Variants in SPAG16 observed in about 807,000 individuals in gnomAD.
The protein encoded by SPAG16 is sperm-associated antigen 16 protein.
A neutral mutation model predicts 80.4 loss-of-function variants in SPAG16; 86 were observed. The observed-to-expected ratio is 1.07, with a 90% CI of 0.90 to 1.28. The LOEUF (loss-of-function observed/expected upper bound fraction) is 1.28, where lower values mean the gene tolerates loss of function less well. Ranked by LOEUF, SPAG16 falls within the 50% of genes most tolerant of loss-of-function variation. The pLI is 0.00. For missense variants in SPAG16, 870 were observed against 765.3 expected, an observed-to-expected ratio of 1.14 and a Z score of -1.61; for synonymous variants, 294 against 265.9, an observed-to-expected ratio of 1.11 and a Z score of -1.03.
intron 15 of SPAG16, among the ~76,000 whole-genome samples, chr2:214,397,044 TG>T (rs1701433370): frequency 1.3e-5 from 2 of 151,996 alleles, no homozygotes; most frequent in South Asian, 4.1e-4. Flanking sequence ...TGCAGCTTGC[TG>T]TAATTGTTGA....
At chr2:213,375,174 A>G in intron 9 of SPAG16, 55 bp downstream of exon 9, 1 of 1,212,486 alleles carries the variant, frequency 8.2e-7, no homozygotes, top group Non-Finnish European at 1.2e-6. Context: ...AGATCTTTAG[A>G]TCCATTCACT....
At chr2:213,942,700 C>G (rs144628926) in intron 12 of SPAG16, among the ~76,000 whole-genome samples, 2 of 152,146 alleles carry the variant, frequency 1.3e-5, no homozygotes, top group African/African-American at 4.8e-5. Flanking sequence ...AACAAGAACT[C>G]ATTTAAACCT....
intron 10 of SPAG16, among the ~76,000 whole-genome samples, chr2:213,829,913 T>C (rs1040433793): frequency 6.6e-6 from 1 of 152,030 alleles, no homozygotes; most frequent in Admixed American, 6.6e-5. Context: ...CCTTCTCCTC[T>C]CATGAAGTGG....
intron 13 of SPAG16, among the ~76,000 whole-genome samples, chr2:214,020,331 G>A (rs898071429): frequency 6.6e-6 from 1 of 151,884 alleles, no homozygotes; most frequent in Non-Finnish European, 1.5e-5. Flanking sequence ...CTACTGTGCT[G>A]GTATTTTATG....
chr2:214,226,661 C>A (rs892139162), intron 15 of SPAG16, among the ~76,000 whole-genome samples: 6 of 151,918 alleles, frequency 3.9e-5, no homozygotes, highest in African/African-American at 7.2e-5. Context: ...TCCAAATACT[C>A]CCCCCAAAGC....
At chr2:214,271,227 A>G (rs1396623746) in intron 15 of SPAG16, among the ~76,000 whole-genome samples, 1 of 152,222 alleles carries the variant, frequency 6.6e-6, no homozygotes, top group Non-Finnish European at 1.5e-5. Context: ...ATAGGAAATT[A>G]GGAAGTTTTC....
intron 15 of SPAG16, among the ~76,000 whole-genome samples, chr2:214,392,806 CAAT>C (rs1213808423): frequency 6.6e-6 from 1 of 151,682 alleles, no homozygotes; most frequent in East Asian, 1.9e-4. Flanking sequence ...TGCATATTTA[CAAT>C]AATATAGCTA....
chr2:213,408,097 A>C (rs532476062), intron 9 of SPAG16, among the ~76,000 whole-genome samples: 1 of 149,126 alleles, frequency 6.7e-6, no homozygotes, highest in South Asian at 2.1e-4. Flanking sequence ...AAATAGAAGT[A>C]GTAAAAAAAC....
intron 10 of SPAG16, among the ~76,000 whole-genome samples, chr2:213,665,892 G>A (rs2063582951): frequency 6.6e-6 from 1 of 151,970 alleles, no homozygotes; most frequent in Admixed American, 6.6e-5. Flanking sequence ...TTAAAATAGA[G>A]AAATCACCAG....
At chr2:214,205,270 A>G (rs1307928182) in intron 15 of SPAG16, among the ~76,000 whole-genome samples, 2 of 152,144 alleles carry the variant, frequency 1.3e-5, no homozygotes, top group Non-Finnish European at 2.9e-5. Context: ...GATACAACAT[A>G]TGAAGGGAAA....
chr2:214,251,260 T>A (rs1690270635), intron 15 of SPAG16, among the ~76,000 whole-genome samples: 1 of 135,286 alleles, frequency 7.4e-6, no homozygotes, highest in African/African-American at 2.8e-5. Flanking sequence ...AGGCTACAGA[T>A]TTACTTGTTG....
chr2:214,338,476 C>T (rs893370854), intron 15 of SPAG16, among the ~76,000 whole-genome samples: 1 of 152,090 alleles, frequency 6.6e-6, no homozygotes, highest in African/African-American at 2.4e-5. Context: ...TGCACTCCAG[C>T]CTGGGCAACA....
intron 10 of SPAG16, among the ~76,000 whole-genome samples, chr2:213,839,124 T>C (rs1398863712): frequency 1.3e-5 from 2 of 152,224 alleles, no homozygotes; most frequent in Admixed American, 1.3e-4. Flanking sequence ...TTTAAATGCA[T>C]GATTTCTGTA....
chr2:214,304,711 G>A (rs1020611918), intron 15 of SPAG16, among the ~76,000 whole-genome samples: 61 of 151,876 alleles, frequency 4.0e-4, no homozygotes, highest in Middle Eastern at 3.4e-3. Context: ...AGCTGGTCTC[G>A]GCATGTTATG....
At chr2:213,644,165 T>C (rs2125124480) in intron 10 of SPAG16, among the ~76,000 whole-genome samples, 1 of 151,926 alleles carries the variant, frequency 6.6e-6, no homozygotes, top group South Asian at 2.1e-4. Context: ...ATTGCATTTT[T>C]CAGCTATAGA....
At chr2:214,250,483 T>C (rs1277049702) in intron 15 of SPAG16, among the ~76,000 whole-genome samples, 4 of 151,006 alleles carry the variant, frequency 2.6e-5, no homozygotes, top group Admixed American at 1.3e-4. Context: ...CCTAATCATA[T>C]TGAATAAATT....
chr2:213,337,905 A>G (rs1204385630), intron 5 of SPAG16, among the ~76,000 whole-genome samples: 2 of 152,054 alleles, frequency 1.3e-5, no homozygotes, highest in African/African-American at 2.4e-5. Context: ...AGATCAAGCA[A>G]AAGACACATA....
intron 10 of SPAG16, among the ~76,000 whole-genome samples, chr2:213,686,674 CTTTTTTTT>C (rs748200040): frequency 3.5e-5 from 3 of 86,104 alleles, no homozygotes; most frequent in South Asian, 3.7e-4. Context: ...ATTAATCCAC[CTTTTTTTT>C]TTTTTTTTTT....
intron 11 of SPAG16, among the ~76,000 whole-genome samples, chr2:213,924,882 A>G (rs1263470660): frequency 6.6e-6 from 1 of 152,016 alleles, no homozygotes; most frequent in Non-Finnish European, 1.5e-5. Flanking sequence ...TTCTATTTGT[A>G]TCATTTATTC....
Sources: allele counts gnomAD v4.1 joint callset (sites outside exome capture counted in the v4.1 genomes callset), GRCh38; gene constraint gnomAD v4.1.1; transcripts MANE v1.5; gene names NCBI Gene and HGNC (gene_info 2026-07-23, HGNC 2026-07-21).